Variants in ADAMTSL1 observed in about 807,000 individuals in gnomAD.
ADAMTSL1 encodes the protein ADAMTS like 1, also known as ADAMTS-like protein 1.
In ADAMTSL1, 126 loss-of-function variants were observed where a neutral mutation model predicts 201.8. The ratio of observed to expected loss-of-function variants is 0.62; its 90% CI spans 0.54 to 0.72. ADAMTSL1 has a LOEUF of 0.72. Ranked by LOEUF, ADAMTSL1 falls within the 30% of genes least tolerant of loss-of-function variation. The pLI is 0.00. For synonymous variants in ADAMTSL1, 1,121 were observed against 903.4 expected, an observed-to-expected ratio of 1.24 and a Z score of -4.32; for missense variants, 2,679 against 2,277.8, an observed-to-expected ratio of 1.18 and a Z score of -3.59.
At chr9:18,129,422 A>G (rs1055343878) in intron 1 of ADAMTSL1, among the ~76,000 whole-genome samples, 1 of 152,170 alleles carries the variant, frequency 6.6e-6, no homozygotes, top group African/African-American at 2.4e-5. Context: ...GTTGATGCCA[A>G]GTTGAAGCTG....
intron 23 of ADAMTSL1, among the ~76,000 whole-genome samples, chr9:18,883,609 C>G (rs1269642812): frequency 1.3e-5 from 2 of 152,140 alleles, no homozygotes; most frequent in African/African-American, 2.4e-5. Context: ...GCCACTATTC[C>G]ACTTTCTGTT....
intron 1 of ADAMTSL1, among the ~76,000 whole-genome samples, chr9:18,492,556 G>A (rs1056573280): frequency 3.2e-4 from 48 of 152,076 alleles, no homozygotes; most frequent in Non-Finnish European, 4.4e-5. Flanking sequence ...TGAAGCTGTA[G>A]GACTGCCTCT....
At chr9:17,950,704 A>T (rs1370130112) in intron 1 of ADAMTSL1, among the ~76,000 whole-genome samples, 1 of 152,122 alleles carries the variant, frequency 6.6e-6, no homozygotes, top group Non-Finnish European at 1.5e-5. Context: ...CTCTACTGAT[A>T]AACATATACA....
At chr9:18,839,692 C>T (rs1439035505) in intron 23 of ADAMTSL1, among the ~76,000 whole-genome samples, 2 of 152,120 alleles carry the variant, frequency 1.3e-5, no homozygotes, top group African/African-American at 4.8e-5. Context: ...CTCTCCAGCA[C>T]CTGTTGTTTC....
chr9:18,239,134 G>A (rs1236218289), intron 2 of ADAMTSL1, among the ~76,000 whole-genome samples: 2 of 152,186 alleles, frequency 1.3e-5, no homozygotes, highest in Non-Finnish European at 2.9e-5. Flanking sequence ...CTAGTGGAGG[G>A]TCTTGCCTTG....
At chr9:18,230,692 T>C (rs2132405429) in intron 2 of ADAMTSL1, among the ~76,000 whole-genome samples, 1 of 152,254 alleles carries the variant, frequency 6.6e-6, no homozygotes, top group Admixed American at 6.5e-5. Flanking sequence ...GAAAGAATAA[T>C]ACAGAAAGTC....
rs555389985 is a variant in ADAMTSL1, at chr9:18,051,083, T to C, written c.88-112779T>C. On this transcript the variant is annotated intron_variant, in intron 1 of 29. Transcript: ENST00000680146. ...TTGGGAGGCCAAGGCGGGCAGATCA[T>C]GAGGTCAGGAGATGGAGACCATCCT... Among the ~76,000 whole-genome samples the C allele has an allele frequency of 4.6e-5, 7 of 152,150 alleles. No individual in the cohort carries two copies. In the East Asian group the frequency reaches 5.8e-4, roughly 13 times the overall value.
At chr9:18,252,621 A>G (rs1397680036) in intron 2 of ADAMTSL1, among the ~76,000 whole-genome samples, 1 of 152,148 alleles carries the variant, frequency 6.6e-6, no homozygotes, top group Non-Finnish European at 1.5e-5. Context: ...GTACAAATGC[A>G]ATTTTTTTTC....
chr9:18,586,966 A>G (rs1005692638), intron 4 of ADAMTSL1, among the ~76,000 whole-genome samples: 1 of 152,190 alleles, frequency 6.6e-6, no homozygotes, highest in African/African-American at 2.4e-5. Context: ...AAAGACTTAA[A>G]TGTAAAACTA....
At chr9:18,769,915 C>T (rs1820591734) in intron 16 of ADAMTSL1, among the ~76,000 whole-genome samples, 1 of 152,150 alleles carries the variant, frequency 6.6e-6, no homozygotes, top group Non-Finnish European at 1.5e-5. Flanking sequence ...AGGGGGCCTC[C>T]CTCCCACTTC....
chr9:18,898,681 TA>T (rs1829814346), intron 26 of ADAMTSL1, among the ~76,000 whole-genome samples: 1 of 152,100 alleles, frequency 6.6e-6, no homozygotes, highest in Admixed American at 6.5e-5. Context: ...ATTCCTCACA[TA>T]AGAAGAACTA....
chr9:18,008,449 A>T (rs1819919435), intron 1 of ADAMTSL1, among the ~76,000 whole-genome samples: 1 of 151,866 alleles, frequency 6.6e-6, no homozygotes. Context: ...CTTGTCTGCC[A>T]CTCTCAGCTT....
chr9:18,066,128 G>A (rs528978995), intron 1 of ADAMTSL1, among the ~76,000 whole-genome samples: 1 of 151,288 alleles, frequency 6.6e-6, no homozygotes, highest in Admixed American at 6.6e-5. Flanking sequence ...GTGTCACTAT[G>A]TTCTTTCAAA....
chr9:18,367,220 A>C (rs1168394120), intron 2 of ADAMTSL1, among the ~76,000 whole-genome samples: 1 of 152,256 alleles, frequency 6.6e-6, no homozygotes, highest in African/African-American at 2.4e-5. Flanking sequence ...GACAAGACAC[A>C]TGTAAATATA....
intron 2 of ADAMTSL1, among the ~76,000 whole-genome samples, chr9:18,271,254 C>T (rs1832348861): frequency 6.6e-6 from 1 of 152,068 alleles, no homozygotes; most frequent in South Asian, 2.1e-4. Context: ...CATATGTATA[C>T]ATGTGCCATG....
In ADAMTSL1 at chr9:18,115,788, G is replaced by A. The variant is rs146236885; in HGVS notation, c.88-48074G>A. Among the ~76,000 whole-genome samples the A allele has an allele frequency of 4.2e-3, 633 of 152,214 alleles. 4 individuals carry two copies. Among genetic ancestry groups the A allele is most frequent in the Middle Eastern group, 0.017 (5 of 294 alleles). ...CAAATAGTGATGATGCTTGTTCGTGGCCACATAGCCCGGTACTGATCTGGG... is the reference window on the plus strand; with the variant it reads ...CAAATAGTGATGATGCTTGTTCGTGACCACATAGCCCGGTACTGATCTGGG... On this transcript the variant is annotated intron_variant, in intron 1 of 29. Coordinates refer to the ADAMTSL1 transcript ENST00000680146.
intron 4 of ADAMTSL1, among the ~76,000 whole-genome samples, chr9:18,610,790 G>A (rs552085316): frequency 1.8e-4 from 28 of 152,152 alleles, no homozygotes; most frequent in Middle Eastern, 3.4e-3. Flanking sequence ...CCTCTCTAAC[G>A]TTGACACACA....
chr9:18,149,306 C>T (rs1826798239), intron 1 of ADAMTSL1, among the ~76,000 whole-genome samples: 1 of 151,958 alleles, frequency 6.6e-6, no homozygotes, highest in Non-Finnish European at 1.5e-5. Context: ...AGCAGATGAT[C>T]ATGGTGGGTT....
intron 1 of ADAMTSL1, among the ~76,000 whole-genome samples, chr9:17,934,000 G>A (rs1410833376): frequency 6.6e-6 from 1 of 152,046 alleles, no homozygotes; most frequent in African/African-American, 2.4e-5. Context: ...TGTTTCTTTT[G>A]TCTTTACGGT....
Sources: allele counts gnomAD v4.1 joint callset (sites outside exome capture counted in the v4.1 genomes callset), GRCh38; gene constraint gnomAD v4.1.1; transcripts MANE v1.5; gene names NCBI Gene and HGNC (gene_info 2026-07-23, HGNC 2026-07-21).